KCNH5: variants seen among roughly 807,000 people sequenced by gnomAD.
KCNH5 encodes voltage-gated delayed rectifier potassium channel KCNH5.
KCNH5 carries 46 observed loss-of-function variants against 96.1 expected under a neutral mutation model. The observed-to-expected ratio is 0.48, with a 90% CI of 0.38 to 0.61. KCNH5 has a LOEUF of 0.61. KCNH5 is among the 20% of genes least tolerant of loss of function. The pLI is 0.00. For synonymous variants in KCNH5, 439 were observed against 449.8 expected, an observed-to-expected ratio of 0.98 and a Z score of 0.30; for missense variants, 907 against 1,225.8, an observed-to-expected ratio of 0.74 and a Z score of 3.88.
chr14:62,979,296 A>G (rs1417425110), intron 6 of KCNH5, among the ~76,000 whole-genome samples: 1 of 152,202 alleles, frequency 6.6e-6, no homozygotes, highest in Non-Finnish European at 1.5e-5. Flanking sequence ...AATTTGAAAA[A>G]AAAAATCTTT....
At chr14:62,828,513 G>A (rs1048779036) in intron 8 of KCNH5, among the ~76,000 whole-genome samples, 2 of 152,092 alleles carry the variant, frequency 1.3e-5, no homozygotes, top group Non-Finnish European at 2.9e-5. Flanking sequence ...GGAAGGGGAA[G>A]GAAGGACCTT....
intron 7 of KCNH5, among the ~76,000 whole-genome samples, chr14:62,910,770 T>C (rs1027453481): frequency 6.6e-6 from 1 of 152,174 alleles, no homozygotes; most frequent in African/African-American, 2.4e-5. Context: ...CTCACAGTTT[T>C]GCACCGGTGT....
rs200038886 is a variant in KCNH5, at chr14:63,001,365, C to T, written c.399G>A (p.Leu133=). 6.8e-6 allele frequency: 11 copies of T among 1,611,136 alleles called. No homozygotes were observed. In the African/African-American group the frequency reaches 1.2e-4, roughly 18 times the overall value. Residue 133 remains leucine, a synonymous_variant, in exon 4 of 11, where the codon TTG becomes TTA. Transcript: ENST00000322893. Reference sequence around the variant, plus strand: ...AATCATCCTCTATTGGCTGTTTGAACAACGTAATATCCTTGAAAGTACACA... The same window carrying T: ...AATCATCCTCTATTGGCTGTTTGAATAACGTAATATCCTTGAAAGTACACA... ...LFLCTFKDIT[L]FKQPIEDDST...
At chr14:62,774,684 T>C (rs532392584) in intron 10 of KCNH5, among the ~76,000 whole-genome samples, 1 of 152,342 alleles carries the variant, frequency 6.6e-6, no homozygotes, top group East Asian at 1.9e-4. Context: ...AAATAGCATC[T>C]TGAATTGGTT....
intron 7 of KCNH5, among the ~76,000 whole-genome samples, chr14:62,858,637 A>G (rs1887974957): frequency 6.6e-6 from 1 of 152,180 alleles, no homozygotes; most frequent in African/African-American, 2.4e-5. Flanking sequence ...CAAGACCTCT[A>G]GGTCAGCAGA....
intron 10 of KCNH5, among the ~76,000 whole-genome samples, chr14:62,757,427 C>T (rs373782030): frequency 2.0e-5 from 3 of 152,192 alleles, no homozygotes; most frequent in African/African-American, 7.2e-5. Context: ...TGATCTAGCA[C>T]CCCCACTGCT....
At chr14:62,766,822 A>C (rs917024515) in intron 10 of KCNH5, among the ~76,000 whole-genome samples, 2 of 152,116 alleles carry the variant, frequency 1.3e-5, no homozygotes. Flanking sequence ...AAAATAACTA[A>C]AAGAGTGTAA....
intron 8 of KCNH5, among the ~76,000 whole-genome samples, chr14:62,831,160 T>A (rs1887340794): frequency 6.6e-6 from 1 of 152,186 alleles, no homozygotes; most frequent in African/African-American, 2.4e-5. Flanking sequence ...TTTGTTCTCC[T>A]CCATAAGTAA....
chr14:62,894,311 C>G (rs894958696), intron 7 of KCNH5, among the ~76,000 whole-genome samples: 1 of 152,124 alleles, frequency 6.6e-6, no homozygotes, highest in Non-Finnish European at 1.5e-5. Context: ...CACACTGAAT[C>G]TAAGTATTAA....
chr14:62,924,603 T>C (rs1040916049), intron 7 of KCNH5, among the ~76,000 whole-genome samples: 3 of 151,692 alleles, frequency 2.0e-5, no homozygotes, highest in African/African-American at 7.3e-5. Context: ...ATAAAGAAAA[T>C]GTCTATATAT....
intron 7 of KCNH5, among the ~76,000 whole-genome samples, chr14:62,866,583 T>C (rs921038408): frequency 6.6e-6 from 1 of 152,168 alleles, no homozygotes; most frequent in Non-Finnish European, 1.5e-5. Context: ...TCAGGGCTCC[T>C]GTCAGGTACT....
Position 62,701,977 on chromosome 14 carries a change from A to G in KCNH5, c.*5531T>C, listed in dbSNP as rs1267785458. On this transcript the variant is annotated 3_prime_UTR_variant, in exon 11 of 11. Coordinates refer to ENST00000322893, the MANE Select transcript of KCNH5 (RefSeq NM_139318.5). ...ATCTGAATAATCTACTTAAAACCCA[A>G]TGAGTCAAAAAATAAATTTTAAAAA... 2.6e-5 allele frequency: 4 copies of G among 152,200 alleles called. No individual in the cohort carries two copies. Among genetic ancestry groups the G allele is most frequent in the Admixed American group, 2.0e-4 (3 of 15,282 alleles). The allele number at this position is 152,200 out of a possible 1,614,324, so 9.4% of individuals were successfully genotyped here. A position where few individuals can be genotyped will look rare whatever the true frequency, so the allele number is the denominator to read the frequency against.
chr14:62,849,772 T>A lies in KCNH5; in HGVS notation c.1450A>T (p.Met484Leu), dbSNP rs1220706220. The change falls in exon 8 of 11, where the codon ATG becomes TTG. Residue 484 changes from methionine to leucine, a missense_variant. Met to Leu is a conservative substitution (Grantham distance 15). Transcript: ENST00000322893. ...MYANTNRYHE[M>L]LNNVRDFLKL... ...AGGAAGTCCCGTACATTATTCAGCA[T>A]CTCATGGTATCGGTTGGTGTTGGCA... 9.9e-6 allele frequency: 16 copies of A among 1,613,800 alleles called. No individual in the cohort carries two copies. Among genetic ancestry groups the A allele is most frequent in the Admixed American group, 1.7e-5 (1 of 59,992 alleles).
chr14:62,987,186 A>C lies in KCNH5; in HGVS notation c.435T>G (p.Gly145=), dbSNP rs1483589112. The C allele has an allele frequency of 6.2e-6, 10 of 1,609,870 alleles. No individual in the cohort carries two copies. In the African/African-American group the frequency reaches 1.3e-4, roughly 22 times the overall value. The change falls in exon 5 of 11, where the codon GGT becomes GGG. Residue 145 remains glycine, a splice_region_variant and synonymous_variant. Coordinates refer to ENST00000322893, the MANE Select transcript of KCNH5 (RefSeq NM_139318.5). ...KQPIEDDSTK[G]WTKFARLTRA... The stretch of plus-strand genomic sequence containing the variant: ...GTGTCAATCGGGCAAATTTCGTCCA[A>C]CCTTAAAAATAAGGAAAGAAAGTCT...
intron 7 of KCNH5, among the ~76,000 whole-genome samples, chr14:62,919,207 GC>G (rs1889334931): frequency 6.6e-6 from 1 of 152,008 alleles, no homozygotes; most frequent in African/African-American, 2.4e-5. Flanking sequence ...AGGTAATGAA[GC>G]TTCCAATTAT....
chr14:62,909,563 G>A (rs1361954485), intron 7 of KCNH5, among the ~76,000 whole-genome samples: 1 of 152,044 alleles, frequency 6.6e-6, no homozygotes, highest in African/African-American at 2.4e-5. Flanking sequence ...TATGCAATTG[G>A]TCAGAAAACA....
chr14:63,000,314 C>T (rs1045640636), intron 4 of KCNH5, among the ~76,000 whole-genome samples: 2 of 152,134 alleles, frequency 1.3e-5, no homozygotes, highest in Non-Finnish European at 2.9e-5. Flanking sequence ...TTAAAAATAA[C>T]ATTTCATAAA....
chr14:62,729,913 A>G (rs1185865464), intron 10 of KCNH5, among the ~76,000 whole-genome samples: 1 of 152,218 alleles, frequency 6.6e-6, no homozygotes, highest in Non-Finnish European at 1.5e-5. Flanking sequence ...CCTGAATCAC[A>G]CAATGAAAGG....
At chr14:62,872,244 G>A (rs1566689270) in intron 7 of KCNH5, among the ~76,000 whole-genome samples, 1 of 152,100 alleles carries the variant, frequency 6.6e-6, no homozygotes, top group Non-Finnish European at 1.5e-5. Flanking sequence ...AATGCTGGTG[G>A]TTTTAATCAC....
Sources: gnomAD v4.1 joint callset for allele counts (sites outside exome capture counted in the v4.1 genomes callset) on GRCh38, gnomAD v4.1.1 for gene constraint, MANE v1.5 for transcripts, NCBI Gene and HGNC (gene_info 2026-07-23, HGNC 2026-07-21) for gene names.